MACROD1: variants seen among roughly 807,000 people sequenced by gnomAD.
The protein encoded by MACROD1 is ADP-ribose glycohydrolase MACROD1.
In MACROD1, 31 loss-of-function variants were observed where a neutral mutation model predicts 41.4. The observed-to-expected ratio is 0.75, with a 90% CI of 0.56 to 1.01. MACROD1 has a LOEUF of 1.01. Among genes scored for constraint, MACROD1 ranks in the 50% least tolerant of loss-of-function variants. The pLI, the probability that MACROD1 is intolerant of heterozygous loss-of-function variation, is 0.00. For missense variants in MACROD1, 473 were observed against 460.0 expected, an observed-to-expected ratio of 1.03 and a Z score of -0.26; for synonymous variants, 252 against 203.4, an observed-to-expected ratio of 1.24 and a Z score of -2.03.
chr11:64,001,912 C>A, intron 4 of MACROD1: 2 of 623,158 alleles, frequency 3.2e-6, no homozygotes, highest in Non-Finnish European at 5.8e-6. Flanking sequence ...CCTCACATAT[C>A]ATTTAACCTC....
At chr11:64,141,338 G>C (rs1945410177) in intron 3 of MACROD1, among the ~76,000 whole-genome samples, 1 of 152,352 alleles carries the variant, frequency 6.6e-6, no homozygotes, top group Middle Eastern at 3.4e-3. Flanking sequence ...TAGAGGTCTA[G>C]GGAAAAGATT....
chr11:64,021,418 C>T (rs981566794), intron 3 of MACROD1, among the ~76,000 whole-genome samples: 6 of 152,168 alleles, frequency 3.9e-5, no homozygotes, highest in African/African-American at 1.2e-4. Context: ...GGGGGGCTGC[C>T]GAGGGCGGTG....
chr11:64,107,216 A>C (rs1278350700), intron 3 of MACROD1, among the ~76,000 whole-genome samples: 2 of 152,210 alleles, frequency 1.3e-5, no homozygotes, highest in African/African-American at 4.8e-5. Flanking sequence ...TAAAGGAATT[A>C]AGTCTCAGTT....
rs141791950 is a variant in MACROD1 at position 64,129,067 on chromosome 11, G to A, written c.517+22172C>T. 5.0e-3 allele frequency among the ~76,000 whole-genome samples: 766 copies of A among 152,366 alleles called. 6 individuals carry two copies. Among genetic ancestry groups the A allele is most frequent in the Middle Eastern group, 0.02 (6 of 294 alleles). ...ACGTGTGGCAGCGCCACAAATCTGGGGACACCTGTGGAGCCCTCGAAGCTA... is the reference window on the plus strand; with the variant it reads ...ACGTGTGGCAGCGCCACAAATCTGGAGACACCTGTGGAGCCCTCGAAGCTA... On this transcript the variant is annotated intron_variant, in intron 3 of 10. Transcript: ENST00000255681.
intron 3 of MACROD1, chr11:64,117,843 A>G (rs763429696): frequency 6.2e-7 from 1 of 1,614,198 alleles, no homozygotes; most frequent in Non-Finnish European, 8.5e-7. Flanking sequence ...CGTGTGTGCC[A>G]AGGCAGAGAC....
chr11:64,080,735 A>G (rs1390485934), intron 3 of MACROD1, among the ~76,000 whole-genome samples: 1 of 152,190 alleles, frequency 6.6e-6, no homozygotes, highest in Non-Finnish European at 1.5e-5. Context: ...CAGAGGGGAC[A>G]GGCCCCCGGC....
chr11:64,150,439 C>A (rs1183526672), intron 3 of MACROD1, among the ~76,000 whole-genome samples: 1 of 152,140 alleles, frequency 6.6e-6, no homozygotes, highest in Non-Finnish European at 1.5e-5. Context: ...AGAGGACCTG[C>A]CCCCCATATT....
intron 3 of MACROD1, among the ~76,000 whole-genome samples, chr11:64,144,409 T>C (rs1199527716): frequency 5.9e-5 from 9 of 152,332 alleles, no homozygotes; most frequent in African/African-American, 2.2e-4. Flanking sequence ...AGCAGCCGTA[T>C]CATCTATGTA....
rs1358341245 is a variant in MACROD1 at position 64,052,480 on chromosome 11, T to TG, written c.518-37200dup. Among the ~76,000 whole-genome samples, 19 of 152,262 alleles carry TG rather than the reference T, an allele frequency of 1.2e-4. No individual in the cohort carries two copies. The East Asian group carries it at 3.7e-3, about 29-fold the overall frequency. On this transcript the variant is annotated intron_variant, in intron 3 of 10. Coordinates refer to ENST00000255681, the MANE Select transcript of MACROD1 (RefSeq NM_014067.4). ...CAGGGGCAGGCCTGGGCCAAGCTTG[T>TG]GGGAAGGTTTAAATGTTGACATGAA...
At chr11:64,124,928 C>T (rs1337947951) in intron 3 of MACROD1, among the ~76,000 whole-genome samples, 2 of 152,212 alleles carry the variant, frequency 1.3e-5, no homozygotes, top group Admixed American at 6.5e-5. Flanking sequence ...GATCCGCCCA[C>T]CTTGGCCTCC....
intron 3 of MACROD1, among the ~76,000 whole-genome samples, chr11:64,018,614 T>G (rs1424602676): frequency 6.6e-6 from 1 of 152,212 alleles, no homozygotes; most frequent in Admixed American, 6.5e-5. Context: ...TCTTGGCCTG[T>G]GGCCGGCCCT....
chr11:64,145,227 G>A (rs995479512), intron 3 of MACROD1, among the ~76,000 whole-genome samples: 9 of 152,134 alleles, frequency 5.9e-5, no homozygotes, highest in Non-Finnish European at 1.2e-4. Context: ...TCGGCTTGTC[G>A]CTGTGAAACA....
chr11:64,131,417 C>T (rs1945264209), intron 3 of MACROD1, among the ~76,000 whole-genome samples: 1 of 152,202 alleles, frequency 6.6e-6, no homozygotes. Context: ...GCTTCCGCCT[C>T]CCAGGTTCAA....
intron 3 of MACROD1, among the ~76,000 whole-genome samples, chr11:64,055,697 A>AGATG (rs1246773288): frequency 3.9e-5 from 6 of 152,158 alleles, no homozygotes; most frequent in East Asian, 3.8e-4. Flanking sequence ...ATGGGTGGAC[A>AGATG]GATGGATGGA....
At chr11:64,071,959 C>T (rs1039620142) in intron 3 of MACROD1, among the ~76,000 whole-genome samples, 1 of 152,214 alleles carries the variant, frequency 6.6e-6, no homozygotes, top group African/African-American at 2.4e-5. Context: ...CTGGAGAGGC[C>T]TCAGCTGCCG....
At chr11:64,063,805 C>T (rs1235572881) in intron 3 of MACROD1, among the ~76,000 whole-genome samples, 1 of 152,202 alleles carries the variant, frequency 6.6e-6, no homozygotes, top group Non-Finnish European at 1.5e-5. Context: ...AATGAGACAG[C>T]CGAACAGGAG....
chr11:64,135,295 T>A (rs905160029), intron 3 of MACROD1, among the ~76,000 whole-genome samples: 1 of 152,202 alleles, frequency 6.6e-6, no homozygotes, highest in African/African-American at 2.4e-5. Flanking sequence ...CCCACTAGAA[T>A]TCCAGGCCCC....
chr11:64,159,109 C>T lies in MACROD1; in HGVS notation c.298+6588G>A, dbSNP rs185896418. Among the ~76,000 whole-genome samples, 896 of 152,156 alleles carry T rather than the reference C, an allele frequency of 5.9e-3. 8 individuals carry two copies. The highest frequency in any genetic ancestry group is 9.2e-3 in the Admixed American group (141 of 15,292). On this transcript the variant is annotated intron_variant, in intron 1 of 10. Transcript: ENST00000255681. ...GGCTGAGGCAGGTGGATCACGAGGT[C>T]AGGAGTTCGAGACCAGCCTGAACAA...
intron 3 of MACROD1, among the ~76,000 whole-genome samples, chr11:64,135,407 T>C (rs2701537): frequency 0.065 from 9,828 of 152,242 alleles, 395 homozygotes; most frequent in Middle Eastern, 0.15. Context: ...GGTCACCATG[T>C]CCATCACAGT....
Sources: gnomAD v4.1 joint callset for allele counts (sites outside exome capture counted in the v4.1 genomes callset) on GRCh38, gnomAD v4.1.1 for gene constraint, MANE v1.5 for transcripts, NCBI Gene and HGNC (gene_info 2026-07-23, HGNC 2026-07-21) for gene names.